Variants in PKD2L2 observed in about 807,000 individuals in gnomAD.
The protein encoded by PKD2L2 is polycystin-2-like protein 2.
PKD2L2 carries 67 observed loss-of-function variants against 83.9 expected under a neutral mutation model. The observed-to-expected ratio is 0.80, with a 90% CI of 0.66 to 0.98. The LOEUF (loss-of-function observed/expected upper bound fraction) is 0.98, where lower values mean the gene tolerates loss of function less well. PKD2L2 is among the 50% of genes least tolerant of loss of function. PKD2L2 has a pLI of 0.00. For synonymous variants in PKD2L2, 223 were observed against 237.8 expected, an observed-to-expected ratio of 0.94 and a Z score of 0.57; for missense variants, 632 against 717.2, an observed-to-expected ratio of 0.88 and a Z score of 1.36.
At chr5:137,890,616 G>A (rs1485438007) in intron 2 of PKD2L2, 34 bp downstream of exon 2, 1 of 878,984 alleles carries the variant, frequency 1.1e-6, no homozygotes, top group Non-Finnish European at 1.7e-6. Flanking sequence ...CTGTTTGTTT[G>A]AACTAAGAAG....
At chr5:137,907,264 A>G (rs1757443313) in intron 6 of PKD2L2, among the ~76,000 whole-genome samples, 1 of 152,260 alleles carries the variant, frequency 6.6e-6, no homozygotes, top group Non-Finnish European at 1.5e-5. Context: ...AAGTCAAAGG[A>G]AAATTTTCAT....
intron 5 of PKD2L2, among the ~76,000 whole-genome samples, chr5:137,905,825 A>G (rs74631705): frequency 0.011 from 1,607 of 152,294 alleles, 25 homozygotes; most frequent in African/African-American, 0.036. Flanking sequence ...GAAGAGTTTT[A>G]ACTAATAACA....
In PKD2L2 at chr5:137,925,065, T is replaced by G; in HGVS notation, c.1577T>G (p.Phe526Cys). The G allele has an allele frequency of 6.2e-7, 1 of 1,604,428 alleles. No individual in the cohort carries two copies. The highest frequency in any genetic ancestry group is 8.5e-7 in the Non-Finnish European group (1 of 1,171,426). ...AGTTACAAAAATGTTCTCGAGAAATTCAGACTGAAGAAAGCTCAAAAAGAT... is the reference window on the plus strand; with the variant it reads ...AGTTACAAAAATGTTCTCGAGAAATGCAGACTGAAGAAAGCTCAAAAAGAT... ...KQSYKNVLEK[F>C]RLKKAQKDED... The change falls in exon 11 of 15, where the codon TTC (phenylalanine) becomes TGC (cysteine). Residue 526 changes from phenylalanine to cysteine, a missense_variant. By Grantham distance (205) the Phe-to-Cys change is radical (BLOSUM62 -2). This residue lies in a region of PKD2L2 where 399 missense variants were observed against 416.9 expected (regional missense o/e 0.96). Transcript: ENST00000508883.
intron 4 of PKD2L2, among the ~76,000 whole-genome samples, chr5:137,897,175 G>A (rs1397230557): frequency 6.6e-6 from 1 of 151,598 alleles, no homozygotes; most frequent in Non-Finnish European, 1.5e-5. Context: ...TCCTGCCTCA[G>A]CCTCCCAAGT....
At chr5:137,919,526 C>T (rs11746984) in intron 8 of PKD2L2, among the ~76,000 whole-genome samples, 110,911 of 150,416 alleles carry the variant, frequency 0.74, 41,467 homozygotes, top group East Asian at 0.97. Context: ...TTTTTTTTTT[C>T]CCCAACTCAA....
At chr5:137,890,771 T>G (rs2149995472) in intron 2 of PKD2L2, among the ~76,000 whole-genome samples, 189 bp downstream of exon 2, 1 of 152,328 alleles carries the variant, frequency 6.6e-6, no homozygotes, top group South Asian at 2.1e-4. Flanking sequence ...CTATTTTCAG[T>G]TCTTAAGGGG....
Position 137,894,609 on chromosome 5 carries a change from A to G in PKD2L2, c.524A>G (p.Glu175Gly), listed in dbSNP as rs1236043788. The G allele has an allele frequency of 1.2e-6, 2 of 1,604,012 alleles. No individual in the cohort carries two copies. The highest frequency in any genetic ancestry group is 1.7e-6 in the Non-Finnish European group (2 of 1,173,172). The change falls in exon 4 of 15, where the codon GAA becomes GGA. Residue 175 changes from glutamate to glycine, a missense_variant and splice_region_variant. Glu to Gly is a moderately conservative substitution (Grantham distance 98, BLOSUM62 -2). This residue lies in a region of PKD2L2 where 229 missense variants were observed against 281.5 expected (regional missense o/e 0.81). Transcript: ENST00000508883. ...AATTTTGGCCTTCAAATTAATACTGAGTAAGTAGCATAAAATTATACTGTA... is the reference window on the plus strand; with the variant it reads ...AATTTTGGCCTTCAAATTAATACTGGGTAAGTAGCATAAAATTATACTGTA... ...LSNFGLQINT[E>G]WRYSTSNTNS...
intron 14 of PKD2L2, among the ~76,000 whole-genome samples, chr5:137,940,911 A>G (rs1046684916): frequency 6.6e-6 from 1 of 151,930 alleles, no homozygotes; most frequent in African/African-American, 2.4e-5. Context: ...ACTTCAATTT[A>G]TTTATTTATT....
intron 5 of PKD2L2, among the ~76,000 whole-genome samples, chr5:137,904,058 C>T (rs753377783): frequency 3.3e-5 from 5 of 152,112 alleles, no homozygotes; most frequent in African/African-American, 7.2e-5. Context: ...GCCCAGCCTA[C>T]GTTGTATTTA....
intron 12 of PKD2L2, among the ~76,000 whole-genome samples, chr5:137,926,888 A>G (rs1009281173): frequency 1.3e-5 from 2 of 152,162 alleles, no homozygotes; most frequent in African/African-American, 4.8e-5. Flanking sequence ...ACTTGAGTAT[A>G]TGCAGATTTT....
chr5:137,930,920 CA>C (rs1759825429), intron 12 of PKD2L2, among the ~76,000 whole-genome samples: 1 of 151,806 alleles, frequency 6.6e-6, no homozygotes, highest in Non-Finnish European at 1.5e-5. Context: ...ATAAATAAAT[CA>C]AAAGGCTAGT....
In PKD2L2 at chr5:137,892,557, C is replaced by G. The variant is rs371630015; in HGVS notation, c.211C>G (p.Pro71Ala). The G allele has an allele frequency of 1.2e-6, 2 of 1,611,544 alleles. No homozygotes were observed. The highest frequency in any genetic ancestry group is 1.7e-6 in the Non-Finnish European group (2 of 1,178,680). Residue 71 changes from proline (P) to alanine (A), a missense_variant, in exon 3 of 15, where the codon CCT becomes GCT. Physicochemically the swap from Pro to Ala is conservative, Grantham distance 27. Coordinates refer to ENST00000508883, the MANE Select transcript of PKD2L2 (RefSeq NM_001300921.2). ...ATCTCTATTTTTGGACACTTCTGTG[C>G]CTGGTGAAGAAAGAACCAACTTTAA... ...MSSLFLDTSV[P>A]GEERTNFKSI...
rs1175218055 is a variant in PKD2L2 at position 137,906,375 on chromosome 5, G to T, written c.916G>T (p.Glu306Ter). Residue 306 changes from glutamate to a stop codon, truncating the protein, a stop_gained, in exon 6 of 15, where the codon GAA becomes TAA. Transcript: ENST00000508883. LOFTEE classifies it high-confidence loss of function. ...FTTQEVKKIKEFKSAYFKSIW... is the reference protein window; with the variant it reads ...FTTQEVKKIK Reference sequence around the variant, plus strand: ...AACACAAGAAGTCAAAAAAATAAAAGAATTTAAGTCTGCCTATTTCAAAAG... The same window carrying T: ...AACACAAGAAGTCAAAAAAATAAAATAATTTAAGTCTGCCTATTTCAAAAG... The T allele has an allele frequency of 1.2e-6, 2 of 1,610,758 alleles. No individual in the cohort carries two copies. Among genetic ancestry groups the T allele is most frequent in the African/African-American group, 2.7e-5 (2 of 74,914 alleles).
intron 2 of PKD2L2, among the ~76,000 whole-genome samples, chr5:137,891,435 C>A (rs1183415321): frequency 1.3e-5 from 2 of 150,392 alleles, no homozygotes; most frequent in Non-Finnish European, 3.0e-5. Flanking sequence ...GACTGCACTT[C>A]AGCCTGGGTG....
intron 5 of PKD2L2, 109 bp from the exon 6 acceptor site, chr5:137,906,097 A>C: frequency 1.6e-6 from 1 of 641,858 alleles, no homozygotes; most frequent in Non-Finnish European, 2.7e-6. Flanking sequence ...TATTAAAAAA[A>C]ACTGATTATC....
intron 12 of PKD2L2, 146 bp from the exon 13 acceptor site, chr5:137,935,651 G>T (rs11743778): frequency 8.6e-6 from 5 of 582,492 alleles, no homozygotes; most frequent in Non-Finnish European, 1.5e-5. Context: ...CTAAAATCTA[G>T]GCAGGGCAAA....
At chr5:137,924,984 TTAA>T in intron 10 of PKD2L2, 53 bp from the exon 11 acceptor site, 5 of 1,015,180 alleles carry the variant, frequency 4.9e-6, no homozygotes, top group Non-Finnish European at 7.8e-6. Context: ...TGATAAAACA[TTAA>T]TAATCAAGGA....
At chr5:137,913,066 G>A (rs1292188596) in intron 8 of PKD2L2, among the ~76,000 whole-genome samples, 1 of 151,178 alleles carries the variant, frequency 6.6e-6, no homozygotes, top group Non-Finnish European at 1.5e-5. Flanking sequence ...GTGGAGATGG[G>A]GTTTCACCAT....
intron 10 of PKD2L2, among the ~76,000 whole-genome samples, chr5:137,923,790 C>A (rs527548646): frequency 1.3e-5 from 2 of 152,314 alleles, no homozygotes; most frequent in South Asian, 2.1e-4. Context: ...TGAGTGATTT[C>A]CTAAATGCAA....
Sources: gnomAD v4.1 joint callset for allele counts (sites outside exome capture counted in the v4.1 genomes callset) on GRCh38, gnomAD v4.1.1 for gene constraint, gnomAD v4.1.1 regional missense constraint, MANE v1.5 for transcripts, NCBI Gene and HGNC (gene_info 2026-07-23, HGNC 2026-07-21) for gene names.